WFDC1: variants seen among roughly 807,000 people sequenced by gnomAD.
WFDC1 encodes the protein WAP four-disulfide core domain 1.
Under a neutral mutation model 32.9 loss-of-function variants are expected in WFDC1, and 39 were observed. The ratio of observed to expected loss-of-function variants is 1.19; its 90% CI spans 0.92 to 1.55. WFDC1 has a LOEUF of 1.55. Among genes scored for constraint, WFDC1 ranks in the 40% most tolerant of loss-of-function variants. The pLI, the probability that WFDC1 is intolerant of heterozygous loss-of-function variation, is 0.00. For synonymous variants in WFDC1, 184 were observed against 137.4 expected (o/e 1.34, Z -2.37); for missense variants, 386 against 309.5 (o/e 1.25, Z -1.85).
Position 84,323,543 on chromosome 16 carries a change from C to A in WFDC1, c.563-876C>A, listed in dbSNP as rs370546639. On this transcript the variant is annotated intron_variant, in intron 4 of 6. Transcript: ENST00000219454. ...ACAAAGATAGAATTTTCATACGGCT[C>A]ATCCTAATACTGCATAGATATGTTT... Among the ~76,000 whole-genome samples the A allele has an allele frequency of 6.6e-5, 10 of 152,332 alleles. No homozygotes were observed. In the South Asian group the frequency reaches 2.1e-3, roughly 32 times the overall value.
Position 84,315,483 on chromosome 16 carries a change from A to C in WFDC1, c.337+2330A>C, listed in dbSNP as rs186177837. On this transcript the variant is annotated intron_variant, in intron 2 of 6. Transcript: ENST00000219454. ...TATAATACTCAATAAATATTCACTC[A>C]TTCATTCATTCACTAGCCAGCAGGA... 2.0e-5 allele frequency among the ~76,000 whole-genome samples: 3 copies of C among 152,294 alleles called. No homozygotes were observed. In the East Asian group the frequency reaches 5.8e-4, roughly 29 times the overall value.
chr16:84,310,773 C>G (rs977112174), intron 1 of WFDC1, among the ~76,000 whole-genome samples: 15 of 152,216 alleles, frequency 9.9e-5, no homozygotes, highest in Non-Finnish European at 1.6e-4. Context: ...TCCTGGCGAT[C>G]TTTCATATGT....
chr16:84,302,971 A>G (rs12599383), intron 1 of WFDC1, among the ~76,000 whole-genome samples: 49,404 of 150,988 alleles, frequency 0.33, 8,156 homozygotes, highest in East Asian at 0.33. Context: ...TGACAATGAC[A>G]TTGTTGGGAA....
intron 1 of WFDC1, among the ~76,000 whole-genome samples, chr16:84,306,369 G>C (rs16963368): frequency 0.14 from 22,024 of 152,126 alleles, 2,066 homozygotes; most frequent in African/African-American, 0.26. Flanking sequence ...AAAGGATGTG[G>C]AGGTTCAGCT....
intron 4 of WFDC1, 35 bp from the exon 5 acceptor site, chr16:84,324,384 C>G: frequency 6.2e-7 from 1 of 1,609,996 alleles, no homozygotes; most frequent in Non-Finnish European, 8.5e-7. Context: ...TTCTAAACTC[C>G]TAAAAGAAGT....
chr16:84,319,051 T>C (rs1351856973), intron 3 of WFDC1: 2 of 280,910 alleles, frequency 7.1e-6, no homozygotes, highest in Non-Finnish European at 1.4e-5. Context: ...TGCGTGCGTA[T>C]ATGTCTGTGT....
rs189293529 is a variant in WFDC1 at position 84,323,270 on chromosome 16, C to G, written c.563-1149C>G. ...AGCCTGATGATTTTTAGTATGGCCA[C>G]AAAACAAAAGAAAAAGAAAATGTCT... On this transcript the variant is annotated intron_variant, in intron 4 of 6. Transcript: ENST00000219454. 6.6e-5 allele frequency among the ~76,000 whole-genome samples: 10 copies of G among 152,256 alleles called. No individual in the cohort carries two copies. In the East Asian group the frequency reaches 1.7e-3, roughly 26 times the overall value.
At chr16:84,310,685 G>T (rs915435462) in intron 1 of WFDC1, among the ~76,000 whole-genome samples, 9 of 152,086 alleles carry the variant, frequency 5.9e-5, no homozygotes, top group Non-Finnish European at 1.3e-4. Context: ...TTACATCTGT[G>T]TGCATTTTTT....
chr16:84,296,906 G>C (rs1048457753), intron 1 of WFDC1: 1 of 152,218 alleles, frequency 6.6e-6, no homozygotes, highest in Admixed American at 6.5e-5. Context: ...CCTGGCCAGA[G>C]GGGAGGCATT....
At chr16:84,326,608 G>A (rs953097643) in intron 5 of WFDC1, 15 of 427,786 alleles carry the variant, frequency 3.5e-5, no homozygotes, top group African/African-American at 2.2e-4. Flanking sequence ...TCTTGAGGTC[G>A]GAAGCAATTT....
Position 84,315,749 on chromosome 16 carries a change from G to C in WFDC1, c.338-2523G>C, listed in dbSNP as rs565447782. On this transcript the variant is annotated intron_variant, in intron 2 of 6. Coordinates refer to ENST00000219454, the MANE Select transcript of WFDC1 (RefSeq NM_021197.4). ...CTAATCTTTCCTAAATGCTCTCTGG[G>C]GAACAAAATCGCTCTGCATTGAGAA... is the stretch of plus-strand genomic sequence containing the variant. Among the ~76,000 whole-genome samples the C allele has an allele frequency of 2.6e-5, 4 of 152,286 alleles. 1 individual carries two copies. The South Asian group carries it at 8.3e-4, about 32-fold the overall frequency.
rs551791002 is a variant in WFDC1, at chr16:84,326,615, A to T, written c.605-267A>T. On this transcript the variant is annotated intron_variant, in intron 5 of 6. Coordinates refer to ENST00000219454, the MANE Select transcript of WFDC1 (RefSeq NM_021197.4). ...TGTGAAGCTCTTGAGGTCGGAAGCA[A>T]TTTGGCCATCCCCAAAGCTGGAGTG... 13 of 440,446 alleles carry T rather than the reference A, an allele frequency of 3.0e-5. No homozygotes were observed. In the South Asian group the frequency reaches 4.6e-4, roughly 15 times the overall value. 27.3% of individuals were successfully genotyped at this position (440,446 alleles called of 1,614,324 possible). A position where few individuals can be genotyped will look rare whatever the true frequency, so the allele number is the denominator to read the frequency against.
At position 84,294,943 on chromosome 16, in the gene WFDC1, C is replaced by A; in HGVS notation, c.-29C>A. The A allele has an allele frequency of 2.5e-6, 4 of 1,601,672 alleles. No homozygotes were observed. The South Asian group carries it at 4.5e-5, about 18-fold the overall frequency. ...GCGAGGGGGGCCCCTCTTCTGTGTG[C>A]GTCTGGAAGGTCGCTGCCCAGGGAG... On this transcript the variant is annotated 5_prime_UTR_variant, in exon 1 of 7. Coordinates refer to ENST00000219454, the MANE Select transcript of WFDC1 (RefSeq NM_021197.4).
intron 2 of WFDC1, 123 bp downstream of exon 2, chr16:84,313,276 C>T: frequency 1.2e-6 from 1 of 858,928 alleles, no homozygotes; most frequent in Non-Finnish European, 1.5e-6. Context: ...TCGGGCGCCT[C>T]CACTGCGCAC....
intron 2 of WFDC1, 80 bp from the exon 3 acceptor site, chr16:84,318,192 T>C (rs1284965731): frequency 2.4e-5 from 33 of 1,348,864 alleles, no homozygotes; most frequent in African/African-American, 4.3e-5. Flanking sequence ...TGTCATGAAG[T>C]TGGGGTGCCC....
chr16:84,318,055 C>A lies in WFDC1; in HGVS notation c.338-217C>A, dbSNP rs561489263. On this transcript the variant is annotated intron_variant, in intron 2 of 6. Coordinates refer to ENST00000219454, the MANE Select transcript of WFDC1 (RefSeq NM_021197.4). ...CACATCTTTGTAGCTGCAAGGGAGG[C>A]AGGGAAGGCTAGTCCCCAGCTTTGT... The A allele has an allele frequency of 1.3e-5, 7 of 520,952 alleles. No individual in the cohort carries two copies. The East Asian group carries it at 1.7e-4, about 12-fold the overall frequency. The allele number at this position is 520,952 out of a possible 1,614,324, so 32.3% of individuals were successfully genotyped here.
intron 1 of WFDC1, among the ~76,000 whole-genome samples, chr16:84,302,812 G>A (rs1597664449): frequency 6.6e-6 from 1 of 152,088 alleles, no homozygotes; most frequent in African/African-American, 2.4e-5. Flanking sequence ...GGTTCAACTC[G>A]GAACTCCCCA....
intron 5 of WFDC1, 24 bp downstream of exon 5, chr16:84,324,484 T>C: frequency 1.9e-6 from 3 of 1,607,964 alleles, no homozygotes; most frequent in Non-Finnish European, 2.5e-6. Context: ...CTGTTCTTTC[T>C]TTCCAGAGGG....
At chr16:84,314,719 C>T (rs906868236) in intron 2 of WFDC1, among the ~76,000 whole-genome samples, 1 of 152,228 alleles carries the variant, frequency 6.6e-6, no homozygotes, top group African/African-American at 2.4e-5. Context: ...CAGCCTCCTA[C>T]TCAGCCTTCA....
Sources: allele counts gnomAD v4.1 joint callset (sites outside exome capture counted in the v4.1 genomes callset), GRCh38; gene constraint gnomAD v4.1.1; transcripts MANE v1.5; gene names NCBI Gene and HGNC (gene_info 2026-07-23, HGNC 2026-07-21).